Variants in WHRN observed in about 807,000 individuals in gnomAD.
WHRN encodes CASK-interacting protein CIP98.
Under a neutral mutation model 68.3 loss-of-function variants are expected in WHRN, and 41 were observed. That is an observed-to-expected ratio of 0.60 (90% CI 0.47 to 0.78). WHRN has a LOEUF of 0.78. Among genes scored for constraint, WHRN ranks in the 30% least tolerant of loss-of-function variants. The pLI, the probability that WHRN is intolerant of heterozygous loss-of-function variation, is 0.00. For missense variants in WHRN, 1,243 were observed against 1,244.7 expected, an observed-to-expected ratio of 1.00 and a Z score of 0.02; for synonymous variants, 560 against 561.3, an observed-to-expected ratio of 1.00 and a Z score of 0.03.
At chr9:114,459,669 T>G (rs1053563965) in intron 3 of WHRN, among the ~76,000 whole-genome samples, 2 of 152,120 alleles carry the variant, frequency 1.3e-5, no homozygotes, top group African/African-American at 2.4e-5. Flanking sequence ...GTCGATATGG[T>G]CAGGCTCCTG....
intron 9 of WHRN, among the ~76,000 whole-genome samples, chr9:114,405,056 T>TTCTC (rs1164575803): frequency 3.9e-5 from 5 of 126,880 alleles, no homozygotes; most frequent in Non-Finnish European, 6.6e-5. Context: ...AATTACTACT[T>TTCTC]TCTCTCTCTC....
chr9:114,473,531 G>A lies in WHRN; in HGVS notation c.837+5022C>T, dbSNP rs190291389. 1.2e-3 allele frequency among the ~76,000 whole-genome samples: 185 copies of A among 152,312 alleles called. 1 individual carries two copies. The highest frequency in any genetic ancestry group is 4.3e-3 in the African/African-American group (178 of 41,560). ...CCTCCATTTTCATCTCTGGAAAATC[G>A]GAATAATGACACTATCTGTAAGTAT... is the stretch of plus-strand genomic sequence containing the variant. On this transcript the variant is annotated intron_variant, in intron 2 of 11. Coordinates refer to ENST00000362057, the MANE Select transcript of WHRN (RefSeq NM_015404.4).
At chr9:114,427,639 G>A (rs1237369806) in intron 3 of WHRN, among the ~76,000 whole-genome samples, 1 of 152,224 alleles carries the variant, frequency 6.6e-6, no homozygotes, top group Non-Finnish European at 1.5e-5. Flanking sequence ...GAGAAAAGAA[G>A]ATGGGATTAC....
intron 4 of WHRN, chr9:114,425,793 C>T (rs1836796306): frequency 3.3e-6 from 1 of 304,050 alleles, no homozygotes; most frequent in Non-Finnish European, 6.4e-6. Context: ...CTTTAAGACC[C>T]TCTCACCCAG....
intron 7 of WHRN, among the ~76,000 whole-genome samples, chr9:114,412,822 T>C (rs1023040307): frequency 3.9e-5 from 6 of 152,310 alleles, no homozygotes; most frequent in African/African-American, 1.4e-4. Context: ...AAGGCTCCCC[T>C]GCATGATGTC....
chr9:114,463,104 C>G (rs886696691), intron 3 of WHRN, among the ~76,000 whole-genome samples: 14 of 152,226 alleles, frequency 9.2e-5, no homozygotes, highest in African/African-American at 1.2e-4. Context: ...CACACAACAC[C>G]TCTCAAGGAG....
At chr9:114,473,912 G>A (rs1841445153) in intron 2 of WHRN, among the ~76,000 whole-genome samples, 2 of 152,046 alleles carry the variant, frequency 1.3e-5, no homozygotes, top group African/African-American at 2.4e-5. Flanking sequence ...GAGGCATGGA[G>A]AAGGGAAGGC....
chr9:114,437,802 TAGTC>T (rs1325586048), intron 3 of WHRN, among the ~76,000 whole-genome samples: 3 of 152,206 alleles, frequency 2.0e-5, no homozygotes, highest in Non-Finnish European at 2.9e-5. Context: ...TTTGGTATTT[TAGTC>T]AGCCTAAGCT....
chr9:114,471,653 C>G (rs918329549), intron 2 of WHRN, among the ~76,000 whole-genome samples: 2 of 152,216 alleles, frequency 1.3e-5, no homozygotes, highest in African/African-American at 2.4e-5. Context: ...CACGGAGCCT[C>G]GACTAGGTCC....
intron 9 of WHRN, among the ~76,000 whole-genome samples, chr9:114,404,625 T>C (rs1036484872): frequency 2.6e-5 from 4 of 151,896 alleles, no homozygotes; most frequent in Non-Finnish European, 5.9e-5. Flanking sequence ...GCCTGGCCCC[T>C]GAGTTTGAGA....
chr9:114,471,906 T>C (rs1270116523), intron 2 of WHRN, among the ~76,000 whole-genome samples: 1 of 152,192 alleles, frequency 6.6e-6, no homozygotes, highest in African/African-American at 2.4e-5. Context: ...GAGGCTGTGA[T>C]GGCAGGTGCA....
intron 7 of WHRN, among the ~76,000 whole-genome samples, chr9:114,408,491 A>G (rs1320329299): frequency 6.6e-6 from 1 of 152,150 alleles, no homozygotes; most frequent in Non-Finnish European, 1.5e-5. Context: ...GTTTAAATGG[A>G]CCTTATTTTG....
intron 3 of WHRN, among the ~76,000 whole-genome samples, chr9:114,465,180 C>T (rs373504353): frequency 2.6e-5 from 4 of 152,312 alleles, no homozygotes; most frequent in South Asian, 2.1e-4. Context: ...ACCTGACAGA[C>T]GTATCGTCTC....
intron 3 of WHRN, among the ~76,000 whole-genome samples, chr9:114,426,751 A>G (rs1425537773): frequency 6.6e-6 from 1 of 152,248 alleles, no homozygotes; most frequent in Non-Finnish European, 1.5e-5. Flanking sequence ...AAGCTGGGGT[A>G]GGATGAGGCA....
intron 2 of WHRN, among the ~76,000 whole-genome samples, chr9:114,471,692 T>C (rs1186129072): frequency 6.6e-6 from 1 of 152,212 alleles, no homozygotes; most frequent in Non-Finnish European, 1.5e-5. Flanking sequence ...CTCCAGGAGA[T>C]GACACCAGCC....
intron 3 of WHRN, among the ~76,000 whole-genome samples, chr9:114,458,329 T>C (rs985273573): frequency 7.9e-5 from 12 of 152,200 alleles, no homozygotes; most frequent in Non-Finnish European, 1.8e-4. Context: ...TTATAAGATT[T>C]TGACTAAGTT....
Position 114,443,180 on chromosome 9 carries a change from A to G in WHRN, c.964-16767T>C, listed in dbSNP as rs116630575. ...AAGAGCCAAGTGCCTCCCAAGGGGAAGAGCTATAATAGGTGTTGGCAATAT... is the reference window on the plus strand; with the variant it reads ...AAGAGCCAAGTGCCTCCCAAGGGGAGGAGCTATAATAGGTGTTGGCAATAT... On this transcript the variant is annotated intron_variant, in intron 3 of 11. Transcript: ENST00000362057. 7.6e-3 allele frequency among the ~76,000 whole-genome samples: 1,152 copies of G among 152,384 alleles called. 15 individuals carry two copies. Among genetic ancestry groups the G allele is most frequent in the South Asian group, 0.034 (163 of 4,830 alleles).
intron 3 of WHRN, among the ~76,000 whole-genome samples, chr9:114,454,507 T>C (rs1383329850): frequency 6.6e-6 from 1 of 152,140 alleles, no homozygotes; most frequent in African/African-American, 2.4e-5. Flanking sequence ...AATACTTAGG[T>C]ATACATAGCT....
intron 7 of WHRN, among the ~76,000 whole-genome samples, 196 bp from the exon 8 acceptor site, chr9:114,408,214 G>A (rs1163080678): frequency 6.6e-6 from 1 of 152,192 alleles, no homozygotes; most frequent in East Asian, 1.9e-4. Flanking sequence ...TCACTTTGAA[G>A]TTAAGTTTTC....
Sources: gnomAD v4.1 joint callset for allele counts (sites outside exome capture counted in the v4.1 genomes callset) on GRCh38, gnomAD v4.1.1 for gene constraint, MANE v1.5 for transcripts, NCBI Gene and HGNC (gene_info 2026-07-23, HGNC 2026-07-21) for gene names.